The following PWP1 variants were observed in gnomAD, a reference collection of about 807,000 sequenced individuals.
PWP1 encodes PWP1 homolog, endonuclein, also known as periodic tryptophan protein 1 homolog.
A neutral mutation model predicts 69.9 loss-of-function variants in PWP1; 47 were observed. The observed-to-expected ratio is 0.67, with a 90% CI of 0.53 to 0.86. The LOEUF is 0.86. Among genes scored for constraint, PWP1 ranks in the 40% least tolerant of loss-of-function variants. The probability of loss-of-function intolerance (pLI) is 0.00; values close to 1 mark genes in which losing one functional copy is unlikely to be tolerated. For synonymous variants in PWP1, 222 were observed against 208.2 expected (o/e 1.07, Z -0.57); for missense variants, 551 against 608.8 (o/e 0.91, Z 1.00).
At chr12:107,702,391 G>A (rs766672571) in intron 8 of PWP1, among the ~76,000 whole-genome samples, 5 of 151,724 alleles carry the variant, frequency 3.3e-5, no homozygotes, top group South Asian at 2.1e-4. Flanking sequence ...AGCTATTCTC[G>A]TGCCTCAGCC....
rs1224479654 is a variant in PWP1 at position 107,704,640 on chromosome 12, G to T, written c.970G>T (p.Val324Leu). Residue 324 changes from valine (V) to leucine (L), a missense_variant, in exon 11 of 15, where the codon GTG (valine) becomes TTG (leucine). Val to Leu is a conservative substitution (Grantham distance 32). Coordinates refer to ENST00000412830, the MANE Select transcript of PWP1 (RefSeq NM_007062.3). ...ACTTTGCCTGAATGTGTCTAGGTCA[G>T]TGGCTTTGTATGACTGCCGAAGTCC... ...TLISGSYDKS[V>L]ALYDCRSPDE... is the part of the protein sequence containing the mutation. 1.9e-6 allele frequency: 3 copies of T among 1,613,750 alleles called. No individual in the cohort carries two copies. The highest frequency in any genetic ancestry group is 1.1e-5 in the South Asian group (1 of 91,068).
chr12:107,709,785 G>A (rs1047012458), intron 13 of PWP1, among the ~76,000 whole-genome samples: 1 of 151,922 alleles, frequency 6.6e-6, no homozygotes, highest in Non-Finnish European at 1.5e-5. Flanking sequence ...TGAAAATTGT[G>A]TATGAATAAA....
At chr12:107,690,961 G>T (rs917759464) in intron 3 of PWP1, among the ~76,000 whole-genome samples, 1 of 152,228 alleles carries the variant, frequency 6.6e-6, no homozygotes, top group Non-Finnish European at 1.5e-5. Flanking sequence ...GACATGGTCT[G>T]TGTTGGGCAC....
In PWP1 at chr12:107,688,723, C is replaced by A; in HGVS notation, c.240C>A (p.Asp80Glu). The change falls in exon 3 of 15, where the codon GAC becomes GAA. Residue 80 changes from aspartate to glutamate, a missense_variant. By Grantham distance (45) the Asp-to-Glu change is conservative. Coordinates refer to ENST00000412830, the MANE Select transcript of PWP1 (RefSeq NM_007062.3). ...ARPREPLEDG[D>E]PEDDRTLDDD... is the part of the protein sequence containing the mutation. Reference sequence around the variant, plus strand: ...CAAGAGAGCCCCTGGAGGATGGTGACCCAGAGGATGACAGGACGCTTGATG... The same window carrying A: ...CAAGAGAGCCCCTGGAGGATGGTGAACCAGAGGATGACAGGACGCTTGATG... 1 of 1,614,186 alleles carries A rather than the reference C, an allele frequency of 6.2e-7. No homozygotes were observed. The highest frequency in any genetic ancestry group is 8.5e-7 in the Non-Finnish European group (1 of 1,180,030).
At chr12:107,703,872 C>A (rs1167134243) in intron 10 of PWP1, 126 bp downstream of exon 10, 2 of 832,778 alleles carry the variant, frequency 2.4e-6, no homozygotes, top group African/African-American at 1.7e-5. Flanking sequence ...ATTATTTGCA[C>A]TACTTATTTT....
At chr12:107,692,553 A>C (rs1028822795) in intron 3 of PWP1, 3 of 359,312 alleles carry the variant, frequency 8.3e-6, no homozygotes, top group Middle Eastern at 7.8e-4. Flanking sequence ...ATTTTCTAAA[A>C]GGGTCTAATT....
At chr12:107,700,897 T>C (rs541613150) in intron 8 of PWP1, among the ~76,000 whole-genome samples, 4 of 151,916 alleles carry the variant, frequency 2.6e-5, no homozygotes, top group South Asian at 2.1e-4. Flanking sequence ...AATTTGCATT[T>C]CCCCCCCTTT....
chr12:107,693,315 C>A (rs1469146707), intron 5 of PWP1, among the ~76,000 whole-genome samples: 2 of 151,952 alleles, frequency 1.3e-5, no homozygotes, highest in South Asian at 2.1e-4. Flanking sequence ...GGAAATAAAT[C>A]CCCTGGAAAT....
chr12:107,711,524 C>T (rs985099590), intron 14 of PWP1, among the ~76,000 whole-genome samples: 3 of 152,116 alleles, frequency 2.0e-5, no homozygotes, highest in African/African-American at 7.2e-5. Flanking sequence ...TGAATAAATC[C>T]ACCGTTTGCT....
At chr12:107,697,235 A>G (rs561118799) in intron 6 of PWP1, among the ~76,000 whole-genome samples, 7 of 152,312 alleles carry the variant, frequency 4.6e-5, no homozygotes, top group African/African-American at 1.7e-4. Context: ...TTGTGGCCCA[A>G]AGACCAGCAG....
At chr12:107,689,974 C>G (rs1159986169) in intron 3 of PWP1, among the ~76,000 whole-genome samples, 1 of 152,088 alleles carries the variant, frequency 6.6e-6, no homozygotes, top group Non-Finnish European at 1.5e-5. Context: ...AACTCCTAAT[C>G]TTGGGGTTTG....
Position 107,712,462 on chromosome 12 carries a change from A to G in PWP1, c.*242A>G, listed in dbSNP as rs1257149127. On this transcript the variant is annotated 3_prime_UTR_variant, in exon 15 of 15. Transcript: ENST00000412830. ...AAAGAGTAATAAAAAGGATTTTTAA[A>G]AAGTAATTCCTTAAACATACCATCT... is the stretch of plus-strand genomic sequence containing the variant. 2.6e-5 allele frequency: 9 copies of G among 347,466 alleles called. No homozygotes were observed. Among genetic ancestry groups the G allele is most frequent in the Admixed American group, 4.4e-5 (1 of 22,476 alleles). The allele number at this position is 347,466 out of a possible 1,614,324, so 21.5% of individuals were successfully genotyped here.
intron 8 of PWP1, among the ~76,000 whole-genome samples, chr12:107,701,780 T>C (rs957139524): frequency 6.6e-6 from 1 of 152,120 alleles, no homozygotes; most frequent in African/African-American, 2.4e-5. Flanking sequence ...GGGGTTCAAG[T>C]GATTCTCCTG....
intron 7 of PWP1, among the ~76,000 whole-genome samples, chr12:107,698,737 C>G (rs935240237): frequency 6.6e-6 from 1 of 152,104 alleles, no homozygotes; most frequent in Admixed American, 6.5e-5. Context: ...GGACTATAGG[C>G]GTATGCTGCC....
At chr12:107,690,482 G>A (rs1408269622) in intron 3 of PWP1, among the ~76,000 whole-genome samples, 3 of 152,138 alleles carry the variant, frequency 2.0e-5, no homozygotes, top group African/African-American at 7.2e-5. Context: ...TTGTGTGTGT[G>A]AGACGGAGTC....
chr12:107,695,626 A>G (rs1420226400), intron 5 of PWP1, among the ~76,000 whole-genome samples: 1 of 152,226 alleles, frequency 6.6e-6, no homozygotes, highest in African/African-American at 2.4e-5. Context: ...AGCTGTGAAT[A>G]TTAAGGAGCT....
rs139317682 is a variant in PWP1, at chr12:107,692,851, G to C, written c.357G>C (p.Thr119=). Residue 119 remains threonine, a synonymous_variant, in exon 4 of 15, where the codon ACG becomes ACC. Transcript: ENST00000412830. ...ETLGESLLGL[T]VYGSNDQDPY... is the part of the protein sequence containing the mutation. ...TTGGTGAATCTCTCTTGGGTCTTACGGTCTACGGGAGTAATGATCAAGATC... is the reference window on the plus strand; with the variant it reads ...TTGGTGAATCTCTCTTGGGTCTTACCGTCTACGGGAGTAATGATCAAGATC... The C allele has an allele frequency of 3.5e-4, 558 of 1,613,756 alleles. 1 individual carries two copies. The highest frequency in any genetic ancestry group is 8.3e-4 in the Middle Eastern group (5 of 6,040).
intron 6 of PWP1, among the ~76,000 whole-genome samples, chr12:107,697,067 T>C (rs577897727): frequency 1.3e-5 from 2 of 152,378 alleles, no homozygotes; most frequent in East Asian, 3.8e-4. Context: ...AAACACTGTT[T>C]ATACTGTCTT....
intron 3 of PWP1, among the ~76,000 whole-genome samples, chr12:107,690,560 T>G (rs1384900933): frequency 6.6e-6 from 1 of 152,174 alleles, no homozygotes; most frequent in Non-Finnish European, 1.5e-5. Context: ...GACTCCCTAA[T>G]TCAAGCAATT....
Sources: allele counts gnomAD v4.1 joint callset (sites outside exome capture counted in the v4.1 genomes callset), GRCh38; gene constraint gnomAD v4.1.1; transcripts MANE v1.5; gene names NCBI Gene and HGNC (gene_info 2026-07-23, HGNC 2026-07-21).